GSTCD: variants seen among roughly 807,000 people sequenced by gnomAD.
GSTCD encodes glutathione S-transferase C-terminal domain containing.
Under a neutral mutation model 68.3 loss-of-function variants are expected in GSTCD, and 44 were observed. The observed-to-expected ratio is 0.64, with a 90% CI of 0.51 to 0.83. The LOEUF is 0.83. Ranked by LOEUF, GSTCD falls within the 40% of genes least tolerant of loss-of-function variation. GSTCD has a pLI of 0.00. For synonymous variants in GSTCD, 273 were observed against 255.2 expected (o/e 1.07, Z -0.67); for missense variants, 739 against 735.9 (o/e 1.00, Z -0.05).
intron 10 of GSTCD, 132 bp downstream of exon 10, chr4:105,838,021 CT>C: frequency 2.6e-6 from 1 of 385,700 alleles, no homozygotes. Flanking sequence ...ATATGGGTTT[CT>C]TTTTCTCTTT....
chr4:105,811,570 T>C (rs1317749187), intron 5 of GSTCD, among the ~76,000 whole-genome samples: 1 of 147,424 alleles, frequency 6.8e-6, no homozygotes, highest in African/African-American at 2.5e-5. Context: ...TTAGGAGATA[T>C]ACCTAATGCT....
chr4:105,820,792 AAAGATGC>A (rs1271415980), intron 5 of GSTCD, among the ~76,000 whole-genome samples: 1 of 151,878 alleles, frequency 6.6e-6, no homozygotes, highest in Non-Finnish European at 1.5e-5. Context: ...TTTTATATGC[AAAGATGC>A]AGTATTAGCA....
chr4:105,773,873 G>T (rs1158117161), intron 5 of GSTCD, among the ~76,000 whole-genome samples: 5 of 152,072 alleles, frequency 3.3e-5, no homozygotes, highest in African/African-American at 4.8e-5. Context: ...TATTAGGTTC[G>T]CTTGGTCCAG....
Position 105,726,810 on chromosome 4 carries a change from C to T in GSTCD, c.1126C>T (p.Pro376Ser). Residue 376 changes from proline (P) to serine (S), a missense_variant, in exon 4 of 12, where the codon CCA becomes TCA. Physicochemically the swap from Pro to Ser is moderately conservative, Grantham distance 74. Transcript: ENST00000515279. ...SDPLFIGGPR[P>S]TMAKLMEKGI... ...TCCTTTATTTATAGGAGGACCAAGA[C>T]CAACCATGGCCAAGTTAATGGTACT... 1 of 1,609,052 alleles carries T rather than the reference C, an allele frequency of 6.2e-7. No individual in the cohort carries two copies. The highest frequency in any genetic ancestry group is 8.5e-7 in the Non-Finnish European group (1 of 1,177,876).
At chr4:105,733,920 G>A (rs548073688) in intron 5 of GSTCD, among the ~76,000 whole-genome samples, 48 of 152,208 alleles carry the variant, frequency 3.2e-4, no homozygotes, top group African/African-American at 1.0e-3. Flanking sequence ...TGTCTGTAAC[G>A]GATTTTATTT....
At chr4:105,780,024 A>G (rs1735217023) in intron 5 of GSTCD, among the ~76,000 whole-genome samples, 1 of 152,222 alleles carries the variant, frequency 6.6e-6, no homozygotes, top group Non-Finnish European at 1.5e-5. Context: ...CAAATCCTGC[A>G]GTGCATATGT....
At chr4:105,740,565 A>T (rs1159210623) in intron 5 of GSTCD, among the ~76,000 whole-genome samples, 2 of 152,024 alleles carry the variant, frequency 1.3e-5, no homozygotes, top group Non-Finnish European at 2.9e-5. Context: ...GGGGCGTGGG[A>T]TGCTTGGGCA....
At chr4:105,750,192 G>A (rs1324428986) in intron 5 of GSTCD, among the ~76,000 whole-genome samples, 1 of 152,198 alleles carries the variant, frequency 6.6e-6, no homozygotes, top group Non-Finnish European at 1.5e-5. Flanking sequence ...GGCCGGGCGT[G>A]GTGGCTCACG....
In GSTCD at chr4:105,726,846, C is replaced by G. The variant is rs978876522; in HGVS notation, c.1146+16C>G. 8 of 1,567,950 alleles carry G rather than the reference C, an allele frequency of 5.1e-6. No homozygotes were observed. The African/African-American group carries it at 1.1e-4, about 21-fold the overall frequency. On this transcript the variant is annotated intron_variant, in intron 4 of 11. Transcript: ENST00000515279. ...CAAGTTAATGGTACTTAATTATTAA[C>G]ATTTTCTTTGAAAAATTCTATGTGA...
chr4:105,845,679 C>A lies in GSTCD; in HGVS notation c.*102C>A. The stretch of plus-strand genomic sequence containing the variant: ...ATAACTAGGAAACAGCATTAGCCAT[C>A]TTGAACCTATTGTGCTCAGGAAGGA... On this transcript the variant is annotated 3_prime_UTR_variant, in exon 12 of 12. Coordinates refer to ENST00000515279, the MANE Select transcript of GSTCD (RefSeq NM_001370181.1). 1 of 1,234,288 alleles carries A rather than the reference C, an allele frequency of 8.1e-7. No homozygotes were observed. The highest frequency in any genetic ancestry group is 1.2e-6 in the Non-Finnish European group (1 of 860,582). 76.5% of individuals were successfully genotyped at this position (1,234,288 alleles called of 1,614,324 possible).
intron 4 of GSTCD, among the ~76,000 whole-genome samples, chr4:105,729,118 A>G (rs1252199528): frequency 6.6e-6 from 1 of 152,070 alleles, no homozygotes; most frequent in East Asian, 1.9e-4. Context: ...TTGATATCCA[A>G]TATATTTCTA....
chr4:105,770,372 C>CT (rs898627416), intron 5 of GSTCD, among the ~76,000 whole-genome samples: 1,507 of 140,460 alleles, frequency 0.011, 32 homozygotes, highest in African/African-American at 0.036. Flanking sequence ...TTTTTTTTTC[C>CT]TTTTTTTTTT....
At chr4:105,727,660 A>G (rs1030702111) in intron 4 of GSTCD, among the ~76,000 whole-genome samples, 16 of 151,888 alleles carry the variant, frequency 1.1e-4, no homozygotes, top group African/African-American at 3.6e-4. Context: ...TGTTACATAA[A>G]AGCCTGGGTG....
chr4:105,765,888 A>C (rs1384554374), intron 5 of GSTCD, among the ~76,000 whole-genome samples: 2 of 152,128 alleles, frequency 1.3e-5, no homozygotes, highest in Non-Finnish European at 2.9e-5. Flanking sequence ...CCCTTCCGCC[A>C]GGATTGTAAG....
intron 5 of GSTCD, among the ~76,000 whole-genome samples, chr4:105,764,279 A>C (rs1438411446): frequency 1.3e-5 from 2 of 152,196 alleles, no homozygotes; most frequent in African/African-American, 4.8e-5. Flanking sequence ...TATCCAACTC[A>C]GATATACTAA....
intron 5 of GSTCD, among the ~76,000 whole-genome samples, chr4:105,762,389 TG>T (rs1382005975): frequency 6.6e-6 from 1 of 152,224 alleles, no homozygotes; most frequent in Admixed American, 6.5e-5. Context: ...TTATTTGTTC[TG>T]GGTTAATTAA....
intron 5 of GSTCD, among the ~76,000 whole-genome samples, chr4:105,764,097 C>T (rs905475716): frequency 2.0e-5 from 3 of 151,886 alleles, no homozygotes; most frequent in South Asian, 2.1e-4. Flanking sequence ...GACAGAAAGT[C>T]ACATCAAAAG....
intron 5 of GSTCD, among the ~76,000 whole-genome samples, chr4:105,767,034 T>A (rs1182295976): frequency 6.6e-6 from 1 of 151,974 alleles, no homozygotes; most frequent in Non-Finnish European, 1.5e-5. Context: ...ATTCATGAAT[T>A]GAGTCGCCCC....
chr4:105,771,446 T>G (rs542955547), intron 5 of GSTCD, among the ~76,000 whole-genome samples: 4 of 152,298 alleles, frequency 2.6e-5, no homozygotes, highest in African/African-American at 9.6e-5. Context: ...TCTTTGCCCA[T>G]TCCTATGTCC....
Sources: gnomAD v4.1 joint callset for allele counts (sites outside exome capture counted in the v4.1 genomes callset) on GRCh38, gnomAD v4.1.1 for gene constraint, MANE v1.5 for transcripts, NCBI Gene and HGNC (gene_info 2026-07-23, HGNC 2026-07-21) for gene names.